DAW1: variants seen among roughly 807,000 people sequenced by gnomAD.
The protein encoded by DAW1 is dynein assembly factor with WD repeats 1.
In DAW1, 47 loss-of-function variants were observed where a neutral mutation model predicts 56.5. The observed-to-expected ratio is 0.83, with a 90% CI of 0.66 to 1.06. The LOEUF is 1.06. Among genes scored for constraint, DAW1 ranks in the 50% least tolerant of loss-of-function variants. The probability of loss-of-function intolerance (pLI) is 0.00; values close to 1 mark genes in which losing one functional copy is unlikely to be tolerated. For missense variants in DAW1, 505 were observed against 499.3 expected (o/e 1.01, Z -0.11); for synonymous variants, 190 against 179.0 (o/e 1.06, Z -0.49).
intron 12 of DAW1, among the ~76,000 whole-genome samples, chr2:227,922,944 C>T (rs1692144893): frequency 6.6e-6 from 1 of 152,194 alleles, no homozygotes; most frequent in South Asian, 2.1e-4. Context: ...GGAAGACCAG[C>T]CTTTCCTAGT....
At chr2:227,893,023 A>T (rs1336788365) in intron 4 of DAW1, among the ~76,000 whole-genome samples, 2 of 151,872 alleles carry the variant, frequency 1.3e-5, no homozygotes, top group African/African-American at 4.8e-5. Context: ...TAATCCCAGC[A>T]CTTTGGGAGG....
At chr2:227,883,873 A>G (rs1175988657) in intron 1 of DAW1, among the ~76,000 whole-genome samples, 1 of 152,214 alleles carries the variant, frequency 6.6e-6, no homozygotes, top group Non-Finnish European at 1.5e-5. Flanking sequence ...AACTTAATAA[A>G]TATTTAAAAA....
At chr2:227,920,028 G>T (rs1262298879) in intron 11 of DAW1, among the ~76,000 whole-genome samples, 1 of 152,142 alleles carries the variant, frequency 6.6e-6, no homozygotes, top group African/African-American at 2.4e-5. Flanking sequence ...ATGGCAGGAG[G>T]GGATGGAAAA....
At chr2:227,880,381 CTTT>C (rs34679935) in intron 1 of DAW1, among the ~76,000 whole-genome samples, 6,913 of 143,806 alleles carry the variant, frequency 0.048, 542 homozygotes, top group African/African-American at 0.16. Context: ...CACAAACAGT[CTTT>C]TTTTTTTTTT....
intron 6 of DAW1, among the ~76,000 whole-genome samples, chr2:227,899,861 A>T (rs1489860434): frequency 6.6e-6 from 1 of 152,206 alleles, no homozygotes; most frequent in African/African-American, 2.4e-5. Flanking sequence ...TGTCTTGAGG[A>T]TAAGGAAAGT....
intron 5 of DAW1, among the ~76,000 whole-genome samples, chr2:227,897,891 A>G (rs147457055): frequency 0.014 from 2,152 of 152,192 alleles, 40 homozygotes; most frequent in African/African-American, 0.049. Flanking sequence ...TTTGTAAGTA[A>G]TTTTCTAAAC....
rs552129104 is a variant in DAW1, at chr2:227,909,405, A to G, written c.973+2153A>G. Among the ~76,000 whole-genome samples the G allele has an allele frequency of 3.4e-5, 5 of 148,326 alleles. No homozygotes were observed. In the East Asian group the frequency reaches 9.7e-4, roughly 29 times the overall value. ...TTACACTATATATACTATGTATATA[A>G]TTCTGTTTATAGTATATATAGTATA... On this transcript the variant is annotated intron_variant, in intron 10 of 12. Transcript: ENST00000309931.
chr2:227,911,835 G>C (rs1390513717), intron 10 of DAW1, among the ~76,000 whole-genome samples: 1 of 152,084 alleles, frequency 6.6e-6, no homozygotes, highest in African/African-American at 2.4e-5. Context: ...ATATCCACAT[G>C]TGATGCTATC....
Position 227,889,336 on chromosome 2 carries a change from C to T in DAW1, c.114-520C>T, listed in dbSNP as rs143439839. The stretch of plus-strand genomic sequence containing the variant: ...AGTTTGGCATCTGATGAGGGCTGCA[C>T]TCTGCTTCCAGGATGGCACCTTGAT... On this transcript the variant is annotated intron_variant, in intron 2 of 12. Transcript: ENST00000309931. Among the ~76,000 whole-genome samples the T allele has an allele frequency of 8.7e-4, 132 of 152,280 alleles. 1 individual carries two copies. In the East Asian group the frequency reaches 0.021, roughly 24 times the overall value.
intron 10 of DAW1, among the ~76,000 whole-genome samples, chr2:227,911,245 TACATATATACACGTGTATATAC>T (rs1691809773): frequency 6.8e-6 from 1 of 146,254 alleles, no homozygotes; most frequent in Non-Finnish European, 1.5e-5. Context: ...TATACATATA[TACATATATACACGTGTATATAC>T]ACATATACAC....
At chr2:227,915,033 C>G (rs973787396) in intron 10 of DAW1, among the ~76,000 whole-genome samples, 4 of 151,988 alleles carry the variant, frequency 2.6e-5, no homozygotes. Context: ...TGGCTAAACT[C>G]CCTGATGACA....
chr2:227,885,538 C>A (rs1691105922), intron 2 of DAW1, 115 bp downstream of exon 2: 2 of 686,638 alleles, frequency 2.9e-6, no homozygotes, highest in East Asian at 6.2e-5. Flanking sequence ...AAAAATTGTT[C>A]TTCTGTGGTG....
At chr2:227,907,372 T>C in intron 10 of DAW1, 120 bp downstream of exon 10, 2 of 745,936 alleles carry the variant, frequency 2.7e-6, no homozygotes, top group Non-Finnish European at 2.2e-6. Flanking sequence ...AAACCATGTC[T>C]CATCTCTATC....
chr2:227,916,411 T>C (rs1285468921), intron 10 of DAW1, among the ~76,000 whole-genome samples: 1 of 152,176 alleles, frequency 6.6e-6, no homozygotes, highest in Non-Finnish European at 1.5e-5. Context: ...GATGCTGTTA[T>C]GACTGCGTTG....
chr2:227,889,765 C>T, intron 2 of DAW1, 91 bp from the exon 3 acceptor site: 1 of 1,094,730 alleles, frequency 9.1e-7, no homozygotes, highest in African/African-American at 1.6e-5. Context: ...AAATGTGCTT[C>T]ATGAAGCAAT....
chr2:227,921,891 C>T (rs112119005), intron 12 of DAW1, among the ~76,000 whole-genome samples: 32 of 152,256 alleles, frequency 2.1e-4, no homozygotes, highest in African/African-American at 6.5e-4. Flanking sequence ...GTCAGCCAGG[C>T]GCATTGGCTC....
At chr2:227,917,482 G>A (rs918682106) in intron 10 of DAW1, among the ~76,000 whole-genome samples, 13 of 151,916 alleles carry the variant, frequency 8.6e-5, no homozygotes, top group Non-Finnish European at 1.5e-4. Context: ...GGATGGTCTC[G>A]ATCTCCTGAC....
intron 1 of DAW1, among the ~76,000 whole-genome samples, chr2:227,884,815 G>A (rs1691086725): frequency 6.6e-6 from 1 of 152,172 alleles, no homozygotes; most frequent in South Asian, 2.1e-4. Flanking sequence ...TCCACCAATG[G>A]CCTGGCTGTG....
intron 9 of DAW1, 148 bp from the exon 10 acceptor site, chr2:227,906,990 C>A: frequency 1.8e-6 from 1 of 560,116 alleles, no homozygotes; most frequent in Non-Finnish European, 3.1e-6. Flanking sequence ...CAAAGTAAAT[C>A]TAACTGAACA....
Sources: allele counts gnomAD v4.1 joint callset (sites outside exome capture counted in the v4.1 genomes callset), GRCh38; gene constraint gnomAD v4.1.1; transcripts MANE v1.5; gene names NCBI Gene and HGNC (gene_info 2026-07-23, HGNC 2026-07-21).